SLC8A1: variants seen among roughly 807,000 people sequenced by gnomAD.
SLC8A1 encodes solute carrier family 8 member A1, also known as sodium/calcium exchanger 1.
In SLC8A1, 18 loss-of-function variants were observed where a neutral mutation model predicts 68.3. That is an observed-to-expected ratio of 0.26 (90% confidence interval 0.18 to 0.39). SLC8A1 has a LOEUF of 0.39. SLC8A1 is among the 10% of genes least tolerant of loss of function. The probability of loss-of-function intolerance (pLI) is 1.00; values close to 1 mark genes in which losing one functional copy is unlikely to be tolerated. For missense variants in SLC8A1, 985 were observed against 1,156.7 expected (o/e 0.85, Z 2.15); for synonymous variants, 475 against 415.5 (o/e 1.14, Z -1.74).
intron 2 of SLC8A1, among the ~76,000 whole-genome samples, chr2:40,310,449 G>C (rs1321019589): frequency 3.3e-5 from 5 of 152,188 alleles, no homozygotes; most frequent in Admixed American, 6.5e-5. Flanking sequence ...GGTCAGGACA[G>C]AATCAATTAA....
At chr2:40,316,324 A>G (rs1309741111) in intron 2 of SLC8A1, among the ~76,000 whole-genome samples, 2 of 152,042 alleles carry the variant, frequency 1.3e-5, no homozygotes, top group African/African-American at 4.8e-5. Context: ...ACACCACTTG[A>G]ATAACTTTTA....
chr2:40,364,383 G>C (rs376427727), intron 2 of SLC8A1, among the ~76,000 whole-genome samples: 1 of 151,440 alleles, frequency 6.6e-6, no homozygotes, highest in Non-Finnish European at 1.5e-5. Flanking sequence ...TGTATGTTTA[G>C]GGTAATACAC....
intron 2 of SLC8A1, among the ~76,000 whole-genome samples, chr2:40,376,714 G>T (rs545322573): frequency 6.6e-6 from 1 of 152,090 alleles, no homozygotes; most frequent in Non-Finnish European, 1.5e-5. Context: ...GACAAGGACC[G>T]ATGATGCTTT....
exon 2 of SLC8A1, chr2:40,429,555 AAAG>A: frequency 1.2e-6 from 2 of 1,613,762 alleles, no homozygotes; most frequent in Non-Finnish European, 1.7e-6. Flanking sequence ...CACAGATGGG[AAAG>A]AAGAAGAAAG....
chr2:40,291,657 T>C (rs1259297040), intron 2 of SLC8A1, among the ~76,000 whole-genome samples: 1 of 152,120 alleles, frequency 6.6e-6, no homozygotes, highest in Non-Finnish European at 1.5e-5. Flanking sequence ...TCCAGAGAAG[T>C]ACTGCTAAAA....
chr2:40,332,775 T>C (rs972744139), intron 2 of SLC8A1, among the ~76,000 whole-genome samples: 5 of 152,384 alleles, frequency 3.3e-5, no homozygotes, highest in African/African-American at 9.6e-5. Context: ...ATCATTTTAA[T>C]ATTTCCGTGA....
At chr2:40,228,784 A>G (rs975387752) in intron 2 of SLC8A1, among the ~76,000 whole-genome samples, 4 of 152,204 alleles carry the variant, frequency 2.6e-5, no homozygotes, top group Non-Finnish European at 4.4e-5. Flanking sequence ...TCAAGTAACT[A>G]GACTTGATCA....
At chr2:40,447,215 G>GAATGAT (rs556764589) in intron 1 of SLC8A1, among the ~76,000 whole-genome samples, 43 of 152,274 alleles carry the variant, frequency 2.8e-4, no homozygotes, top group African/African-American at 1.0e-3. Flanking sequence ...ACATATTGCA[G>GAATGAT]AATGATACAG....
At chr2:40,433,996 C>T (rs1357011098) in intron 1 of SLC8A1, among the ~76,000 whole-genome samples, 1 of 152,156 alleles carries the variant, frequency 6.6e-6, no homozygotes, top group Non-Finnish European at 1.5e-5. Flanking sequence ...GAGACAGCTG[C>T]CCTTCAATCT....
At chr2:40,418,884 G>C (rs1005063422) in intron 2 of SLC8A1, among the ~76,000 whole-genome samples, 2 of 152,188 alleles carry the variant, frequency 1.3e-5, no homozygotes, top group East Asian at 1.9e-4. Flanking sequence ...GCAGGCACAG[G>C]GGGTAGGTTG....
At chr2:40,148,445 T>C (rs1047711223) in intron 6 of SLC8A1, among the ~76,000 whole-genome samples, 10 of 152,166 alleles carry the variant, frequency 6.6e-5, no homozygotes, top group Middle Eastern at 3.2e-3. Flanking sequence ...GTTCTGAACA[T>C]AGGGTTTGAA....
intron 6 of SLC8A1, among the ~76,000 whole-genome samples, chr2:40,156,975 A>G (rs1294637256): frequency 6.6e-6 from 1 of 152,196 alleles, no homozygotes; most frequent in Non-Finnish European, 1.5e-5. Context: ...GTTGCCTGGT[A>G]CTGCCCCTTA....
chr2:40,463,911 G>C, intron 1 of SLC8A1, among the ~76,000 whole-genome samples: 1 of 146,852 alleles, frequency 6.8e-6, no homozygotes, highest in African/African-American at 2.5e-5. Context: ...GAGAGAGACA[G>C]ATTGATGGTG....
intron 2 of SLC8A1, among the ~76,000 whole-genome samples, chr2:40,336,266 G>A (rs940242776): frequency 6.6e-6 from 1 of 152,164 alleles, no homozygotes; most frequent in Non-Finnish European, 1.5e-5. Context: ...TTGAAGGTGG[G>A]AAACATATTT....
At chr2:40,365,906 G>A (rs1353935435) in intron 2 of SLC8A1, among the ~76,000 whole-genome samples, 4 of 151,602 alleles carry the variant, frequency 2.6e-5, no homozygotes, top group African/African-American at 9.7e-5. Flanking sequence ...GGCTGAGGCA[G>A]GACTGATTAA....
At chr2:40,340,315 C>G (rs1386949104) in intron 2 of SLC8A1, among the ~76,000 whole-genome samples, 1 of 152,168 alleles carries the variant, frequency 6.6e-6, no homozygotes, top group African/African-American at 2.4e-5. Context: ...AATTCCAGCA[C>G]TTTGGGAGGC....
intron 2 of SLC8A1, among the ~76,000 whole-genome samples, chr2:40,188,548 C>T (rs1413878862): frequency 6.6e-6 from 1 of 152,218 alleles, no homozygotes; most frequent in Non-Finnish European, 1.5e-5. Flanking sequence ...TCATCAGACT[C>T]GTTCCAGAGA....
At chr2:40,454,021 C>T (rs868833696), upstream of SLC8A1, among the ~76,000 whole-genome samples, 1 of 152,320 alleles carries the variant, frequency 6.6e-6, no homozygotes, top group Middle Eastern at 3.4e-3. Context: ...GGTTAGACTA[C>T]ACTTACTAGT....
chr2:40,356,900 T>TA (rs920507607), intron 2 of SLC8A1, among the ~76,000 whole-genome samples: 34 of 151,496 alleles, frequency 2.2e-4, no homozygotes, highest in East Asian at 5.8e-4. Context: ...GCCTCAATTA[T>TA]AAAAAAAAAT....
Sources: gnomAD v4.1 joint callset for allele counts (sites outside exome capture counted in the v4.1 genomes callset) on GRCh38, gnomAD v4.1.1 for gene constraint, MANE v1.5 for transcripts, NCBI Gene and HGNC (gene_info 2026-07-23, HGNC 2026-07-21) for gene names.